The following RHOBTB2 variants were observed in gnomAD, a reference collection of about 807,000 sequenced individuals.
RHOBTB2 encodes the protein Rho related BTB domain containing 2, also known as rho-related BTB domain-containing protein 2.
Under a neutral mutation model 66.5 loss-of-function variants are expected in RHOBTB2, and 39 were observed. The ratio of observed to expected loss-of-function variants is 0.59; its 90% CI spans 0.45 to 0.77. The LOEUF (loss-of-function observed/expected upper bound fraction) is 0.77, where lower values mean the gene tolerates loss of function less well. RHOBTB2 is among the 30% of genes least tolerant of loss of function. The pLI is 0.00. For missense variants in RHOBTB2, 755 were observed against 999.1 expected, an observed-to-expected ratio of 0.76 and a Z score of 3.29; for synonymous variants, 390 against 395.0, an observed-to-expected ratio of 0.99 and a Z score of 0.15.
chr8:22,964,557 C>T, the RHOBTB2 span, among the ~76,000 whole-genome samples: 1 of 152,224 alleles, frequency 6.6e-6, no homozygotes, highest in South Asian at 2.1e-4. Flanking sequence ...CTAGAAAGGA[C>T]CAGTGCCATC....
chr8:22,962,207 AAAAAAAGGAAAG>A, the RHOBTB2 span, among the ~76,000 whole-genome samples: 5 of 124,346 alleles, frequency 4.0e-5, no homozygotes, highest in East Asian at 2.2e-4. Context: ...AAAAAAAAAA[AAAAAAAGGAAAG>A]AAAGAGAAAG....
chr8:23,012,214 G>A (rs1282985123), intron 7 of RHOBTB2, among the ~76,000 whole-genome samples: 1 of 152,164 alleles, frequency 6.6e-6, no homozygotes, highest in African/African-American at 2.4e-5. Flanking sequence ...TGACCCAAAG[G>A]GGAAAAATGC....
At chr8:22,961,970 C>T in the RHOBTB2 span, among the ~76,000 whole-genome samples, 20 of 151,898 alleles carry the variant, frequency 1.3e-4, no homozygotes, top group African/African-American at 4.1e-4. Context: ...ATAGATACAT[C>T]TGATAGTTTC....
intron 6 of RHOBTB2, among the ~76,000 whole-genome samples, chr8:23,010,114 G>A (rs995321155): frequency 6.6e-6 from 1 of 152,120 alleles, no homozygotes; most frequent in Non-Finnish European, 1.5e-5. Flanking sequence ...GAGCAAGAGC[G>A]GCTTCCAAAG....
In RHOBTB2 at chr8:23,018,093, T is replaced by C. The variant is rs1241568009; in HGVS notation, c.*624T>C. 2 of 154,158 alleles carry C rather than the reference T, an allele frequency of 1.3e-5. No homozygotes were observed. The highest frequency in any genetic ancestry group is 4.8e-5 in the African/African-American group (2 of 41,452). 9.5% of individuals were successfully genotyped at this position (154,158 alleles called of 1,614,324 possible). On this transcript the variant is annotated 3_prime_UTR_variant, in exon 10 of 10. Coordinates refer to ENST00000251822, the MANE Select transcript of RHOBTB2 (RefSeq NM_015178.3). ...AGTGTCCCTCCGTCCCAGGGGGCTGTGCTAGCACAGACCTGAGAATGGGGA... is the reference window on the plus strand; with the variant it reads ...AGTGTCCCTCCGTCCCAGGGGGCTGCGCTAGCACAGACCTGAGAATGGGGA...
At chr8:22,962,743 A>T in the RHOBTB2 span, among the ~76,000 whole-genome samples, 1 of 152,152 alleles carries the variant, frequency 6.6e-6, no homozygotes, top group African/African-American at 2.4e-5. Context: ...GTGCTCAGCA[A>T]CCTGACTGTC....
At chr8:22,968,417 G>T in the RHOBTB2 span, among the ~76,000 whole-genome samples, 2 of 152,102 alleles carry the variant, frequency 1.3e-5, no homozygotes, top group East Asian at 3.9e-4. Flanking sequence ...TAGTTGAGAA[G>T]ATTTAATATT....
the RHOBTB2 span, among the ~76,000 whole-genome samples, chr8:22,974,754 G>A: frequency 1.3e-5 from 2 of 152,144 alleles, no homozygotes; most frequent in Non-Finnish European, 2.9e-5. Context: ...ACCAGCAGGG[G>A]GAGAGAAAGG....
At chr8:22,985,386 A>C (rs1008891604), upstream of RHOBTB2, among the ~76,000 whole-genome samples, 9 of 152,214 alleles carry the variant, frequency 5.9e-5, no homozygotes, top group South Asian at 2.1e-4. Context: ...CGTATCTTTA[A>C]CTTATCGGAG....
At chr8:22,996,557 GTGTGTGTGTGTCTGTGTGTC>G (rs1810571470), upstream of RHOBTB2, among the ~76,000 whole-genome samples, 3 of 117,472 alleles carry the variant, frequency 2.6e-5, no homozygotes, top group Admixed American at 8.9e-5. Context: ...GTGTGTGTGT[GTGTGTGTGTGTCTGTGTGTC>G]TGTGTATGTA....
intron 2 of RHOBTB2, among the ~76,000 whole-genome samples, chr8:22,993,918 C>T (rs555799435): frequency 6.6e-6 from 1 of 152,332 alleles, no homozygotes; most frequent in South Asian, 2.1e-4. Context: ...AAGGTGGGGA[C>T]GTTGCAGAAT....
the RHOBTB2 span, among the ~76,000 whole-genome samples, chr8:22,973,803 A>G: frequency 6.6e-6 from 1 of 152,192 alleles, no homozygotes; most frequent in African/African-American, 2.4e-5. Flanking sequence ...AGGAGGGGGT[A>G]GCACAGAGGT....
the RHOBTB2 span, among the ~76,000 whole-genome samples, chr8:22,970,301 C>G: frequency 1.3e-5 from 2 of 152,164 alleles, no homozygotes; most frequent in Non-Finnish European, 2.9e-5. Context: ...GGCACCAAGC[C>G]TCTTTTAGAA....
At chr8:22,970,867 T>G in the RHOBTB2 span, among the ~76,000 whole-genome samples, 1 of 152,224 alleles carries the variant, frequency 6.6e-6, no homozygotes, top group Non-Finnish European at 1.5e-5. Flanking sequence ...GTGACAGTCT[T>G]TACCTCCGTT....
At chr8:22,968,051 G>C in the RHOBTB2 span, among the ~76,000 whole-genome samples, 1 of 151,996 alleles carries the variant, frequency 6.6e-6, no homozygotes, top group African/African-American at 2.4e-5. Context: ...AGTTACTCAG[G>C]AGGCTGAGGT....
chr8:23,007,398 G>C lies in RHOBTB2; in HGVS notation c.1153G>C (p.Val385Leu), dbSNP rs768821582. Residue 385 changes from valine (V) to leucine (L), a missense_variant, in exon 5 of 10, where the codon GTG becomes CTG. By Grantham distance (32) the Val-to-Leu change is conservative. Coordinates refer to ENST00000251822, the MANE Select transcript of RHOBTB2 (RefSeq NM_015178.3). ...GTGYLPGRGR[V>L]LSSWSRAFVS... ...AGGGTACCTACCGGGCAGGGGTCGT[G>C]TGCTGTCTTCCTGGAGCCGAGCTTT... The C allele has an allele frequency of 6.2e-7, 1 of 1,614,164 alleles. No homozygotes were observed.
Position 23,005,479 on chromosome 8 carries a change from G to T in RHOBTB2, c.296+4G>T. The T allele has an allele frequency of 6.2e-7, 1 of 1,604,756 alleles. No individual in the cohort carries two copies. The highest frequency in any genetic ancestry group is 1.1e-5 in the South Asian group (1 of 90,906). On this transcript the variant is annotated splice_donor_region_variant and intron_variant, in intron 3 of 9. Coordinates refer to ENST00000251822, the MANE Select transcript of RHOBTB2 (RefSeq NM_015178.3). ...ACCGTCGCTTTGCTTATGGGAGGTAGGGAAGGCCTCTAGCCGCCTGCAGAG... is the reference window on the plus strand; with the variant it reads ...ACCGTCGCTTTGCTTATGGGAGGTATGGAAGGCCTCTAGCCGCCTGCAGAG...
intron 2 of RHOBTB2, among the ~76,000 whole-genome samples, chr8:22,992,555 C>T (rs1293294755): frequency 2.6e-5 from 4 of 152,176 alleles, no homozygotes; most frequent in Admixed American, 1.3e-4. Flanking sequence ...CCCTCTCTGC[C>T]TAGAAAACAG....
chr8:22,978,626 A>G, the RHOBTB2 span, among the ~76,000 whole-genome samples: 1 of 151,390 alleles, frequency 6.6e-6, no homozygotes, highest in Admixed American at 6.6e-5. Context: ...ATAAGAAGTT[A>G]GAAAACAGAA....
Sources: gnomAD v4.1 joint callset for allele counts (sites outside exome capture counted in the v4.1 genomes callset) on GRCh38, gnomAD v4.1.1 for gene constraint, MANE v1.5 for transcripts, NCBI Gene and HGNC (gene_info 2026-07-23, HGNC 2026-07-21) for gene names.